Variants in LMBRD1 observed in about 807,000 individuals in gnomAD.
The protein encoded by LMBRD1 is lysosomal cobalamin transport escort protein LMBD1.
LMBRD1 carries 64 observed loss-of-function variants against 74.8 expected under a neutral mutation model. The ratio of observed to expected loss-of-function variants is 0.86; its 90% CI spans 0.70 to 1.05. LMBRD1 has a LOEUF of 1.05. Ranked by LOEUF, LMBRD1 falls within the 50% of genes least tolerant of loss-of-function variation. LMBRD1 has a pLI of 0.00. For synonymous variants in LMBRD1, 204 were observed against 216.3 expected (o/e 0.94, Z 0.50); for missense variants, 652 against 645.9 (o/e 1.01, Z -0.10).
intron 14 of LMBRD1, among the ~76,000 whole-genome samples, chr6:69,688,915 T>C (rs948514502): frequency 2.0e-5 from 3 of 152,122 alleles, no homozygotes; most frequent in Admixed American, 6.5e-5. Context: ...TTACCTTGTA[T>C]GTATTGCTAT....
chr6:69,682,643 C>G (rs1399616607), intron 14 of LMBRD1, among the ~76,000 whole-genome samples: 1 of 151,870 alleles, frequency 6.6e-6, no homozygotes, highest in Non-Finnish European at 1.5e-5. Flanking sequence ...TTACTATCTG[C>G]TGGTTGTAAT....
At chr6:69,762,812 G>A (rs1387075817) in intron 3 of LMBRD1, among the ~76,000 whole-genome samples, 2 of 152,142 alleles carry the variant, frequency 1.3e-5, no homozygotes, top group Non-Finnish European at 2.9e-5. Context: ...CAGCAAGAAG[G>A]TGGCCATCTA....
chr6:69,703,339 G>C (rs1766174887), intron 9 of LMBRD1, among the ~76,000 whole-genome samples: 2 of 151,320 alleles, frequency 1.3e-5, no homozygotes, highest in South Asian at 4.2e-4. Flanking sequence ...CCTAATAGCT[G>C]TTAACAAAAA....
intron 2 of LMBRD1, among the ~76,000 whole-genome samples, chr6:69,788,529 GAATTTA>G (rs1766009452): frequency 6.6e-6 from 1 of 152,072 alleles, no homozygotes; most frequent in Admixed American, 6.6e-5. Flanking sequence ...CATTTTTATA[GAATTTA>G]ATTCTAAAAT....
chr6:69,773,770 T>C (rs530034865), intron 3 of LMBRD1, among the ~76,000 whole-genome samples: 1 of 152,342 alleles, frequency 6.6e-6, no homozygotes, highest in Non-Finnish European at 1.5e-5. Context: ...TAATATCTTC[T>C]TAACAGCTGC....
chr6:69,751,564 G>A (rs1765153253), intron 4 of LMBRD1, among the ~76,000 whole-genome samples: 1 of 152,172 alleles, frequency 6.6e-6, no homozygotes, highest in South Asian at 2.1e-4. Context: ...CTGACCTCAG[G>A]TGATCCGCCC....
intron 8 of LMBRD1, among the ~76,000 whole-genome samples, chr6:69,714,932 G>T (rs994351807): frequency 6.6e-6 from 1 of 152,076 alleles, no homozygotes; most frequent in Non-Finnish European, 1.5e-5. Context: ...CAGAGGATAT[G>T]ATTTTGTAGG....
At chr6:69,706,259 T>C (rs1009585827) in intron 9 of LMBRD1, 1 of 267,038 alleles carries the variant, frequency 3.7e-6, no homozygotes, top group African/African-American at 2.2e-5. Flanking sequence ...CATCAGGGAC[T>C]GATCTCTATT....
intron 14 of LMBRD1, among the ~76,000 whole-genome samples, chr6:69,686,591 C>T (rs541748833): frequency 1.3e-5 from 2 of 151,352 alleles, no homozygotes; most frequent in South Asian, 2.1e-4. Context: ...CCTTAAAAAA[C>T]GGGCATCACC....
At chr6:69,676,797 T>C (rs1765555998) in intron 14 of LMBRD1, among the ~76,000 whole-genome samples, 2 of 152,062 alleles carry the variant, frequency 1.3e-5, no homozygotes, top group African/African-American at 2.4e-5. Context: ...AGATCTTAAG[T>C]ATAAAAAAAT....
chr6:69,726,498 T>C (rs1226181938), intron 7 of LMBRD1, among the ~76,000 whole-genome samples: 1 of 152,170 alleles, frequency 6.6e-6, no homozygotes, highest in Non-Finnish European at 1.5e-5. Context: ...AACAGATGAA[T>C]GGATAAAGAA....
chr6:69,752,315 G>C lies in LMBRD1; in HGVS notation c.349C>G (p.Pro117Ala). ...TCTTCATAATAGAAGTAGACAAAAGGGATCCAGAAGAACACACAGAACAAT... is the reference window on the plus strand; with the variant it reads ...TCTTCATAATAGAAGTAGACAAAAGCGATCCAGAAGAACACACAGAACAAT... ...VILFCVFFWI[P>A]FVYFYYEEKD... Residue 117 changes from proline (P) to alanine (A), a missense_variant, in exon 4 of 16, where the codon CCT becomes GCT. Pro to Ala is a conservative substitution (Grantham distance 27). This residue lies in a region of LMBRD1 where 598 missense variants were observed against 581.8 expected (regional missense o/e 1.03). Coordinates refer to ENST00000649934, the MANE Select transcript of LMBRD1 (RefSeq NM_018368.4). 1.9e-6 allele frequency: 3 copies of C among 1,610,124 alleles called. No homozygotes were observed. Among genetic ancestry groups the C allele is most frequent in the Admixed American group, 1.7e-5 (1 of 59,938 alleles).
At chr6:69,745,831 C>G (rs1767215861) in intron 5 of LMBRD1, 1 of 153,668 alleles carries the variant, frequency 6.5e-6, no homozygotes, top group African/African-American at 2.4e-5. Context: ...TACAGAAAGC[C>G]TCATCTTCTC....
chr6:69,698,788 T>C lies in LMBRD1; in HGVS notation c.1338+255A>G, dbSNP rs1766061128. 2.0e-5 allele frequency among the ~76,000 whole-genome samples: 3 copies of C among 151,850 alleles called. No individual in the cohort carries two copies. The South Asian group carries it at 6.2e-4, about 31-fold the overall frequency. On this transcript the variant is annotated intron_variant, in intron 13 of 15. Transcript: ENST00000649934. ...TTTGAGTTTTAATAAAGTACTAAGG[T>C]AAAGCTCAGTAGCTTAGCACCATGG...
chr6:69,746,407 G>T, intron 5 of LMBRD1: 1 of 155,704 alleles, frequency 6.4e-6, no homozygotes, highest in South Asian at 2.0e-4. Context: ...GCACTCAGAA[G>T]ACCATGGATG....
At chr6:69,731,025 G>A (rs1036662224) in intron 7 of LMBRD1, among the ~76,000 whole-genome samples, 3 of 152,092 alleles carry the variant, frequency 2.0e-5, no homozygotes, top group East Asian at 3.9e-4. Flanking sequence ...TCTCTTGATA[G>A]CATAAAAGAC....
intron 2 of LMBRD1, among the ~76,000 whole-genome samples, chr6:69,788,042 G>A (rs758103807): frequency 6.6e-6 from 1 of 152,016 alleles, no homozygotes; most frequent in Non-Finnish European, 1.5e-5. Context: ...CTATTTCCTA[G>A]GAAGCGAGCA....
intron 7 of LMBRD1, among the ~76,000 whole-genome samples, chr6:69,724,580 G>A (rs532994733): frequency 1.1e-4 from 17 of 148,650 alleles, no homozygotes; most frequent in East Asian, 4.1e-4. Context: ...CTAATCAATC[G>A]TTGTAATACA....
At chr6:69,709,060 C>A (rs1766324439) in intron 9 of LMBRD1, among the ~76,000 whole-genome samples, 1 of 151,922 alleles carries the variant, frequency 6.6e-6, no homozygotes, top group South Asian at 2.1e-4. Flanking sequence ...CATGGAGAAA[C>A]CCCGTCTCTA....
Sources: gnomAD v4.1 joint callset for allele counts (sites outside exome capture counted in the v4.1 genomes callset) on GRCh38, gnomAD v4.1.1 for gene constraint, gnomAD v4.1.1 regional missense constraint, MANE v1.5 for transcripts, NCBI Gene and HGNC (gene_info 2026-07-23, HGNC 2026-07-21) for gene names.